TMEM163: variants seen among roughly 807,000 people sequenced by gnomAD.
TMEM163 encodes transmembrane protein 163.
Under a neutral mutation model 29.3 loss-of-function variants are expected in TMEM163, and 17 were observed. That is an observed-to-expected ratio of 0.58 (90% CI 0.40 to 0.87). The LOEUF (loss-of-function observed/expected upper bound fraction) is 0.87. Ranked by LOEUF, TMEM163 falls within the 40% of genes least tolerant of loss-of-function variation. The probability of loss-of-function intolerance (pLI) is 0.00; values close to 1 mark genes in which losing one functional copy is unlikely to be tolerated. For missense variants in TMEM163, 303 were observed against 381.5 expected (o/e 0.79, Z 1.71); for synonymous variants, 157 against 160.6 (o/e 0.98, Z 0.17).
At chr2:134,617,884 G>T (rs1185186257) in intron 2 of TMEM163, among the ~76,000 whole-genome samples, 1 of 152,160 alleles carries the variant, frequency 6.6e-6, no homozygotes, top group East Asian at 1.9e-4. Flanking sequence ...GCCAAGGTGG[G>T]AGGGGGGCTT....
intron 6 of TMEM163, among the ~76,000 whole-genome samples, chr2:134,463,825 C>T (rs1041721658): frequency 2.6e-5 from 4 of 152,184 alleles, no homozygotes; most frequent in African/African-American, 9.7e-5. Flanking sequence ...CCCGCTGATC[C>T]GGTGTTACTG....
chr2:134,638,291 C>T (rs1683150998), intron 2 of TMEM163, among the ~76,000 whole-genome samples: 1 of 152,176 alleles, frequency 6.6e-6, no homozygotes. Context: ...CATTACAAAA[C>T]ATGACAGCAA....
At chr2:134,465,910 T>G (rs1686660167) in intron 6 of TMEM163, among the ~76,000 whole-genome samples, 1 of 152,216 alleles carries the variant, frequency 6.6e-6, no homozygotes, top group Admixed American at 6.5e-5. Flanking sequence ...ATGAAGAGTT[T>G]ATTGAATTCC....
At chr2:134,511,073 C>T (rs888468348) in intron 4 of TMEM163, among the ~76,000 whole-genome samples, 13 of 144,836 alleles carry the variant, frequency 9.0e-5, no homozygotes, top group Admixed American at 5.7e-4. Flanking sequence ...TTGTGGAGCT[C>T]ACATGGGGAT....
intron 1 of TMEM163, among the ~76,000 whole-genome samples, chr2:134,715,014 T>C (rs1685006749): frequency 6.6e-6 from 1 of 152,132 alleles, no homozygotes; most frequent in African/African-American, 2.4e-5. Flanking sequence ...ATTCCTTCCA[T>C]CATGGCCAAT....
chr2:134,500,190 G>A (rs534044823), intron 5 of TMEM163, among the ~76,000 whole-genome samples: 38 of 152,246 alleles, frequency 2.5e-4, no homozygotes, highest in African/African-American at 9.1e-4. Context: ...CTTCAGAACT[G>A]GCTTCTACCA....
chr2:134,630,590 C>G (rs1682944994), intron 2 of TMEM163, among the ~76,000 whole-genome samples: 1 of 152,178 alleles, frequency 6.6e-6, no homozygotes, highest in South Asian at 2.1e-4. Flanking sequence ...GGCACATCCC[C>G]TGCACTCTTG....
intron 5 of TMEM163, among the ~76,000 whole-genome samples, chr2:134,499,281 G>GATTAAAA (rs1679650271): frequency 1.3e-5 from 2 of 152,192 alleles, no homozygotes; most frequent in Admixed American, 1.3e-4. Context: ...ATCTTTTCAT[G>GATTAAAA]CTAAAATAAA....
intron 2 of TMEM163, among the ~76,000 whole-genome samples, chr2:134,559,641 GTC>G (rs953086695): frequency 2.0e-5 from 3 of 152,064 alleles, no homozygotes; most frequent in Admixed American, 6.5e-5. Flanking sequence ...ATGATCATGG[GTC>G]TCTCTCACAT....
intron 2 of TMEM163, among the ~76,000 whole-genome samples, chr2:134,653,912 G>T (rs376599411): frequency 1.6e-5 from 2 of 127,706 alleles, no homozygotes; most frequent in Non-Finnish European, 3.2e-5. Context: ...GTCTGAGAGA[G>T]AGTTTGTTAT....
intron 2 of TMEM163, among the ~76,000 whole-genome samples, chr2:134,698,334 C>A (rs186978587): frequency 1.3e-5 from 2 of 152,300 alleles, no homozygotes; most frequent in Non-Finnish European, 2.9e-5. Context: ...GTAAACTATG[C>A]ACTTCATCCA....
At chr2:134,487,522 G>A (rs1211905032) in intron 5 of TMEM163, among the ~76,000 whole-genome samples, 1 of 152,088 alleles carries the variant, frequency 6.6e-6, no homozygotes, top group Non-Finnish European at 1.5e-5. Flanking sequence ...CACCCCAACA[G>A]GATTTTTCAT....
chr2:134,523,285 A>T (rs1680225774), intron 4 of TMEM163, among the ~76,000 whole-genome samples: 3 of 152,186 alleles, frequency 2.0e-5, no homozygotes, highest in Non-Finnish European at 4.4e-5. Flanking sequence ...GAACTGCGAC[A>T]ACACCACAGA....
intron 2 of TMEM163, among the ~76,000 whole-genome samples, chr2:134,669,380 C>T (rs1185440682): frequency 6.6e-6 from 1 of 152,350 alleles, no homozygotes; most frequent in East Asian, 1.9e-4. Context: ...CCTCTACATC[C>T]TTTACTTTTT....
intron 4 of TMEM163, among the ~76,000 whole-genome samples, chr2:134,535,871 C>T (rs1680527138): frequency 6.6e-6 from 1 of 152,138 alleles, no homozygotes; most frequent in African/African-American, 2.4e-5. Context: ...TACAGATGTG[C>T]ACCACGACGC....
intron 4 of TMEM163, among the ~76,000 whole-genome samples, chr2:134,544,721 G>A (rs1023011164): frequency 6.6e-6 from 1 of 152,136 alleles, no homozygotes; most frequent in Non-Finnish European, 1.5e-5. Context: ...CTTGAACCGG[G>A]GAGGCAGAGG....
At chr2:134,471,553 A>G (rs1385904949) in intron 5 of TMEM163, among the ~76,000 whole-genome samples, 3 of 152,206 alleles carry the variant, frequency 2.0e-5, no homozygotes, top group Non-Finnish European at 4.4e-5. Context: ...TAAGCCACCT[A>G]GTCTACGACA....
intron 2 of TMEM163, among the ~76,000 whole-genome samples, chr2:134,691,752 C>G (rs1041273463): frequency 2.0e-5 from 3 of 152,078 alleles, no homozygotes; most frequent in African/African-American, 7.3e-5. Flanking sequence ...AAGTGACATC[C>G]TAAACACCAA....
intron 2 of TMEM163, among the ~76,000 whole-genome samples, chr2:134,661,461 A>G (rs1461968297): frequency 6.6e-6 from 1 of 152,240 alleles, no homozygotes; most frequent in Admixed American, 6.5e-5. Context: ...AGCCACATTC[A>G]TGTTTCAAAA....
Sources: allele counts gnomAD v4.1 joint callset (sites outside exome capture counted in the v4.1 genomes callset), GRCh38; gene constraint gnomAD v4.1.1; transcripts MANE v1.5; gene names NCBI Gene and HGNC (gene_info 2026-07-23, HGNC 2026-07-21).